The following EYS variants were observed in gnomAD, a reference collection of about 807,000 sequenced individuals.
EYS encodes protein eyes shut homolog.
In EYS, 250 loss-of-function variants were observed where a neutral mutation model predicts 282.1. The ratio of observed to expected loss-of-function variants is 0.89; its 90% CI spans 0.80 to 0.98. The LOEUF is 0.98. Ranked by LOEUF, EYS falls within the 50% of genes least tolerant of loss-of-function variation. The pLI is 0.00. For missense variants in EYS, 4,016 were observed against 3,709.0 expected (o/e 1.08, Z -2.15); for synonymous variants, 1,355 against 1,282.9 (o/e 1.06, Z -1.20).
At chr6:65,594,538 C>T (rs1251684355) in intron 2 of EYS, among the ~76,000 whole-genome samples, 3 of 151,970 alleles carry the variant, frequency 2.0e-5, no homozygotes, top group Non-Finnish European at 4.4e-5. Context: ...TTTAATATCT[C>T]TTAGCCTGAC....
intron 26 of EYS, among the ~76,000 whole-genome samples, chr6:64,511,430 A>G (rs1777399748): frequency 6.6e-6 from 1 of 152,014 alleles, no homozygotes; most frequent in African/African-American, 2.4e-5. Flanking sequence ...GACAAAGAGC[A>G]GTATACAATC....
chr6:64,203,117 T>G (rs1371827430), intron 31 of EYS, among the ~76,000 whole-genome samples: 2 of 152,196 alleles, frequency 1.3e-5, no homozygotes, highest in Non-Finnish European at 2.9e-5. Context: ...GTAATATGTC[T>G]GATAATTCCA....
chr6:64,479,718 T>C (rs145354102), intron 26 of EYS, among the ~76,000 whole-genome samples: 2,479 of 152,042 alleles, frequency 0.016, 23 homozygotes, highest in South Asian at 0.035. Context: ...ACAGCTGTAC[T>C]GACATGCTAT....
At chr6:64,394,579 T>C (rs1773289753) in intron 28 of EYS, among the ~76,000 whole-genome samples, 1 of 152,064 alleles carries the variant, frequency 6.6e-6, no homozygotes, top group Non-Finnish European at 1.5e-5. Context: ...GCTAGCCATA[T>C]GTAGAAAGCT....
At chr6:65,696,169 C>A (rs1399880238) in intron 1 of EYS, among the ~76,000 whole-genome samples, 1 of 151,972 alleles carries the variant, frequency 6.6e-6, no homozygotes, top group Non-Finnish European at 1.5e-5. Flanking sequence ...TTCAAAACGA[C>A]TGATCTTGGT....
intron 26 of EYS, among the ~76,000 whole-genome samples, chr6:64,508,636 A>G (rs900445356): frequency 2.7e-5 from 4 of 150,388 alleles, no homozygotes; most frequent in Non-Finnish European, 5.9e-5. Context: ...TCTTAGGCTT[A>G]TAGTGGTTTT....
intron 30 of EYS, among the ~76,000 whole-genome samples, chr6:64,234,821 T>TC (rs1766532688): frequency 6.6e-6 from 1 of 152,056 alleles, no homozygotes; most frequent in Admixed American, 6.6e-5. Context: ...ACTGGCTTTT[T>TC]CATTTAGTGT....
chr6:64,836,859 AGAT>A (rs1481780631), intron 19 of EYS, among the ~76,000 whole-genome samples: 1 of 151,694 alleles, frequency 6.6e-6, no homozygotes, highest in Non-Finnish European at 1.5e-5. Flanking sequence ...GTGCCTAGGA[AGAT>A]GATTATTTCA....
intron 26 of EYS, among the ~76,000 whole-genome samples, chr6:64,491,273 CAAAAT>C (rs1477289316): frequency 1.3e-5 from 2 of 150,560 alleles, no homozygotes; most frequent in Non-Finnish European, 3.0e-5. Context: ...TGAAAAGTAA[CAAAAT>C]AAACCACAAC....
chr6:64,141,511 T>C (rs1412810998), intron 31 of EYS, among the ~76,000 whole-genome samples: 1 of 151,908 alleles, frequency 6.6e-6, no homozygotes, highest in Admixed American at 6.6e-5. Flanking sequence ...CCTCTTTTTT[T>C]ATTTTTATTT....
intron 12 of EYS, among the ~76,000 whole-genome samples, chr6:65,283,762 C>G (rs1023189652): frequency 6.6e-6 from 1 of 151,968 alleles, no homozygotes; most frequent in African/African-American, 2.4e-5. Flanking sequence ...TTTCTCATCT[C>G]TAGCAGATCT....
At chr6:64,452,797 G>A (rs1426680745) in intron 26 of EYS, among the ~76,000 whole-genome samples, 1 of 152,112 alleles carries the variant, frequency 6.6e-6, no homozygotes, top group Non-Finnish European at 1.5e-5. Flanking sequence ...GGGAAAACTG[G>A]CTAGCCATAT....
intron 14 of EYS, 140 bp downstream of exon 14, chr6:64,997,442 C>T (rs1401603409): frequency 1.7e-5 from 12 of 726,550 alleles, no homozygotes; most frequent in Non-Finnish European, 2.1e-5. Context: ...GCTTGAGTTT[C>T]TGTTTTCTAA....
chr6:64,762,112 C>T (rs1773179160), intron 22 of EYS, among the ~76,000 whole-genome samples: 1 of 152,060 alleles, frequency 6.6e-6, no homozygotes, highest in Non-Finnish European at 1.5e-5. Context: ...TGTTAATTAG[C>T]TGATTTGATC....
intron 31 of EYS, among the ~76,000 whole-genome samples, chr6:64,100,332 A>C (rs1207976446): frequency 1.3e-5 from 2 of 152,102 alleles, no homozygotes; most frequent in Non-Finnish European, 2.9e-5. Context: ...CAATGATGAT[A>C]TATTTTATTA....
At chr6:64,562,490 A>G (rs1422187655) in intron 26 of EYS, among the ~76,000 whole-genome samples, 1 of 151,940 alleles carries the variant, frequency 6.6e-6, no homozygotes, top group East Asian at 1.9e-4. Context: ...TTAAATATTC[A>G]ATAATACTGC....
rs936401184 is a variant in EYS, at chr6:64,028,282, C to A, written c.6726-29099G>T. Among the ~76,000 whole-genome samples, 8 of 152,194 alleles carry A rather than the reference C, an allele frequency of 5.3e-5. No individual in the cohort carries two copies. The South Asian group carries it at 1.7e-3, about 32-fold the overall frequency. ...AGGTTAAAAGATCCCACCACTTTTC[C>A]TTATCAAAGGCAATATCCTTTAAGG... On this transcript the variant is annotated intron_variant, in intron 33 of 42. Transcript: ENST00000503581.
chr6:64,647,561 A>T (rs1471115667), intron 22 of EYS, among the ~76,000 whole-genome samples: 3 of 152,202 alleles, frequency 2.0e-5, no homozygotes, highest in African/African-American at 7.2e-5. Flanking sequence ...AAGATGCTTT[A>T]TGGCACTATA....
intron 35 of EYS, among the ~76,000 whole-genome samples, chr6:63,946,791 A>T (rs1304764161): frequency 4.6e-5 from 7 of 151,378 alleles, no homozygotes; most frequent in Non-Finnish European, 1.0e-4. Context: ...GCAGAATAAA[A>T]TATCTTTTTA....
Sources: allele counts gnomAD v4.1 joint callset (sites outside exome capture counted in the v4.1 genomes callset), GRCh38; gene constraint gnomAD v4.1.1; transcripts MANE v1.5; gene names NCBI Gene and HGNC (gene_info 2026-07-23, HGNC 2026-07-21).